PGM1: variants seen among roughly 807,000 people sequenced by gnomAD.
PGM1 encodes phosphoglucomutase 1.
In PGM1, 52 loss-of-function variants were observed where a neutral mutation model predicts 55.6. The ratio of observed to expected loss-of-function variants is 0.94; its 90% CI spans 0.75 to 1.18. PGM1 has a LOEUF of 1.18. Ranked by LOEUF, PGM1 falls within the 50% of genes most tolerant of loss-of-function variation. PGM1 has a pLI of 0.00. For missense variants in PGM1, 724 were observed against 729.3 expected, an observed-to-expected ratio of 0.99 and a Z score of 0.08; for synonymous variants, 287 against 271.7, an observed-to-expected ratio of 1.06 and a Z score of -0.55.
intron 1 of PGM1, among the ~76,000 whole-genome samples, chr1:63,610,375 TAAAA>T (rs199952486): frequency 6.7e-6 from 1 of 148,664 alleles, no homozygotes. Context: ...TAAAGAATAA[TAAAA>T]AAAAAAGTTA....
chr1:63,612,478 G>A (rs115983159), intron 1 of PGM1, among the ~76,000 whole-genome samples: 361 of 152,272 alleles, frequency 2.4e-3, no homozygotes, highest in African/African-American at 8.5e-3. Context: ...ATACAGTGTG[G>A]TTGTGTTGTA....
intron 7 of PGM1, 147 bp from the exon 8 acceptor site, chr1:63,648,370 T>C (rs1347216249): frequency 1.2e-5 from 10 of 825,576 alleles, no homozygotes; most frequent in Non-Finnish European, 2.0e-5. Context: ...AGGGGGAACT[T>C]TGTCCCCCAT....
chr1:63,637,198 T>G (rs563934191), intron 6 of PGM1, among the ~76,000 whole-genome samples: 1 of 152,338 alleles, frequency 6.6e-6, no homozygotes, highest in African/African-American at 2.4e-5. Context: ...TTATTGAACA[T>G]TACTTTGTTG....
In PGM1 at chr1:63,636,370, C is replaced by T. The variant is rs1649364044; in HGVS notation, c.1010C>T (p.Thr337Met). The T allele has an allele frequency of 3.7e-6, 6 of 1,614,090 alleles. No individual in the cohort carries two copies. The highest frequency in any genetic ancestry group is 2.7e-5 in the African/African-American group (2 of 75,038). ...CGCGGCTTTGCACGGAGCATGCCCA[C>T]GAGTGGTGCTCTGGACCGGTAGGTG... ...GVRGFARSMP[T>M]SGALDRVASA... The change falls in exon 6 of 11, where the codon ACG becomes ATG. Residue 337 changes from threonine (T) to methionine (M), a missense_variant. Transcript: ENST00000371084.
intron 1 of PGM1, 60 bp downstream of exon 1, chr1:63,593,794 G>A (rs762623470): frequency 1.1e-4 from 165 of 1,489,518 alleles, no homozygotes; most frequent in Non-Finnish European, 1.4e-4. Flanking sequence ...CGTGCGGCCC[G>A]CGGCGCCCTC....
chr1:63,635,106 C>A (rs1402068698), intron 5 of PGM1, 87 bp downstream of exon 5: 6 of 1,096,594 alleles, frequency 5.5e-6, no homozygotes, highest in Non-Finnish European at 8.5e-6. Context: ...TTCTGCCAGA[C>A]CCAGGGAATA....
intron 2 of PGM1, 144 bp from the exon 3 acceptor site, chr1:63,629,798 T>C: frequency 2.8e-6 from 3 of 1,081,866 alleles, no homozygotes; most frequent in Non-Finnish European, 4.2e-6. Context: ...ACATGATATT[T>C]TCTTTTAGAA....
chr1:63,620,122 C>CAGATGAGTT (rs1159739548), intron 1 of PGM1, among the ~76,000 whole-genome samples: 5 of 152,158 alleles, frequency 3.3e-5, no homozygotes. Flanking sequence ...TTTATAGGCT[C>CAGATGAGTT]AGATGAGTTA....
At chr1:63,652,229 G>A (rs1258095942) in intron 9 of PGM1, among the ~76,000 whole-genome samples, 1 of 152,136 alleles carries the variant, frequency 6.6e-6, no homozygotes, top group East Asian at 1.9e-4. Context: ...TCTCTTTTCT[G>A]TCAGCAGATT....
chr1:63,644,555 CATA>C (rs1165795514), intron 7 of PGM1, among the ~76,000 whole-genome samples: 1 of 152,134 alleles, frequency 6.6e-6, no homozygotes, highest in Non-Finnish European at 1.5e-5. Flanking sequence ...TTTTTAAAAG[CATA>C]ATAAAGTCAG....
intron 2 of PGM1, 42 bp downstream of exon 2, chr1:63,629,629 A>C (rs1237882522): frequency 1.3e-6 from 2 of 1,584,060 alleles, no homozygotes; most frequent in Admixed American, 3.3e-5. Context: ...GTTTACATTC[A>C]GTAGGACAAA....
chr1:63,624,720 G>A (rs1648976322), intron 1 of PGM1, among the ~76,000 whole-genome samples: 1 of 152,180 alleles, frequency 6.6e-6, no homozygotes, highest in Non-Finnish European at 1.5e-5. Context: ...ATAAAATGTA[G>A]TATTGCAACT....
intron 7 of PGM1, among the ~76,000 whole-genome samples, chr1:63,646,515 A>G (rs1649648994): frequency 6.6e-6 from 1 of 152,070 alleles, no homozygotes; most frequent in South Asian, 2.1e-4. Flanking sequence ...GTTTAACCAA[A>G]CCTTAATGGT....
At chr1:63,623,327 G>A in intron 1 of PGM1, 1 of 1,495,358 alleles carries the variant, frequency 6.7e-7, no homozygotes, top group Non-Finnish European at 8.8e-7. Context: ...CTCATTGAGA[G>A]TGATCGTCCA....
At chr1:63,631,507 A>G (rs1478878364) in intron 3 of PGM1, 150 bp from the exon 4 acceptor site, 4 of 730,806 alleles carry the variant, frequency 5.5e-6, no homozygotes, top group Non-Finnish European at 9.7e-6. Flanking sequence ...ATAGTATCGG[A>G]TATCACTTAA....
At chr1:63,628,001 T>C (rs1354560887) in intron 1 of PGM1, among the ~76,000 whole-genome samples, 1 of 152,146 alleles carries the variant, frequency 6.6e-6, no homozygotes, top group African/African-American at 2.4e-5. Context: ...TACCTTTCCA[T>C]TAATGCTTGT....
intron 4 of PGM1, among the ~76,000 whole-genome samples, chr1:63,634,318 T>C (rs1649303346): frequency 6.6e-6 from 1 of 152,166 alleles, no homozygotes; most frequent in Admixed American, 6.6e-5. Flanking sequence ...ATTTAATCCT[T>C]ACATCAATCC....
At chr1:63,615,158 A>G (rs1648676130) in intron 1 of PGM1, among the ~76,000 whole-genome samples, 1 of 152,200 alleles carries the variant, frequency 6.6e-6, no homozygotes, top group African/African-American at 2.4e-5. Flanking sequence ...CATTGCATCT[A>G]TGCCCTCCTA....
rs1409431512 is a variant in PGM1 at position 63,648,722 on chromosome 1, C to T, written c.1280+70C>T. On this transcript the variant is annotated intron_variant, in intron 8 of 10. Coordinates refer to ENST00000371084, the MANE Select transcript of PGM1 (RefSeq NM_002633.3). ...GGCAGAGAGAATTCTTGCGCATCCA[C>T]AGCCTCTCCTGTCTTAAGTGCTAAT... 7.9e-6 allele frequency: 12 copies of T among 1,519,180 alleles called. No individual in the cohort carries two copies. In the East Asian group the frequency reaches 2.7e-4, roughly 34 times the overall value. 94.1% of individuals were successfully genotyped at this position (1,519,180 alleles called of 1,614,324 possible).
Sources: gnomAD v4.1 joint callset for allele counts (sites outside exome capture counted in the v4.1 genomes callset) on GRCh38, gnomAD v4.1.1 for gene constraint, MANE v1.5 for transcripts, NCBI Gene and HGNC (gene_info 2026-07-23, HGNC 2026-07-21) for gene names.